The following HACD2 variants were observed in gnomAD, a reference collection of about 807,000 sequenced individuals.
HACD2 encodes very-long-chain (3R)-3-hydroxyacyl-CoA dehydratase 2.
A neutral mutation model predicts 31.0 loss-of-function variants in HACD2; 15 were observed. That is an observed-to-expected ratio of 0.48 (90% CI 0.32 to 0.75). HACD2 has a LOEUF of 0.75. Among genes scored for constraint, HACD2 ranks in the 30% least tolerant of loss-of-function variants. The pLI, the probability that HACD2 is intolerant of heterozygous loss-of-function variation, is 0.03. For synonymous variants in HACD2, 115 were observed against 122.2 expected, an observed-to-expected ratio of 0.94 and a Z score of 0.39; for missense variants, 283 against 313.0, an observed-to-expected ratio of 0.90 and a Z score of 0.72.
At chr3:123,500,759 C>A in intron 5 of HACD2, 66 bp from the exon 6 acceptor site, 1 of 1,051,006 alleles carries the variant, frequency 9.5e-7, no homozygotes, top group East Asian at 2.4e-5. Context: ...CTGCACTTCC[C>A]ACCCTTCTAA....
intron 3 of HACD2, among the ~76,000 whole-genome samples, chr3:123,538,984 TA>T (rs2056457441): frequency 6.6e-6 from 1 of 152,218 alleles, no homozygotes; most frequent in Non-Finnish European, 1.5e-5. Flanking sequence ...ACGAGTAATT[TA>T]AATTTAAGGT....
chr3:123,509,786 C>T (rs999223619), intron 4 of HACD2, among the ~76,000 whole-genome samples: 3 of 152,020 alleles, frequency 2.0e-5, no homozygotes, highest in South Asian at 2.1e-4. Context: ...GGTGAGCAAC[C>T]GCACCTGGCC....
At chr3:123,566,111 T>A (rs528978695) in intron 3 of HACD2, among the ~76,000 whole-genome samples, 1 of 151,466 alleles carries the variant, frequency 6.6e-6, no homozygotes, top group Non-Finnish European at 1.5e-5. Context: ...TTGGGAATCA[T>A]AGACTCCTCA....
intron 3 of HACD2, among the ~76,000 whole-genome samples, chr3:123,545,379 G>T (rs1160752328): frequency 2.0e-5 from 3 of 151,274 alleles, no homozygotes. Flanking sequence ...CTACTCAGGA[G>T]GCTGAGGTGG....
At chr3:123,532,289 CAACT>C (rs1697399851) in intron 3 of HACD2, among the ~76,000 whole-genome samples, 1 of 152,112 alleles carries the variant, frequency 6.6e-6, no homozygotes, top group South Asian at 2.1e-4. Flanking sequence ...TCATTCAGAC[CAACT>C]GTCACTTAGT....
chr3:123,563,644 T>C (rs9286699), intron 3 of HACD2, among the ~76,000 whole-genome samples: 12,245 of 111,880 alleles, frequency 0.11, 651 homozygotes, highest in Non-Finnish European at 0.14. Context: ...AAAATATATA[T>C]ACACACACAC....
chr3:123,550,366 A>G (rs777034153), intron 3 of HACD2, among the ~76,000 whole-genome samples: 1 of 152,184 alleles, frequency 6.6e-6, no homozygotes, highest in Non-Finnish European at 1.5e-5. Context: ...AAAAAGAGAA[A>G]TGGAGAAAAT....
intron 3 of HACD2, among the ~76,000 whole-genome samples, chr3:123,542,146 C>CAAAAAAAAAAAAAAAAAAA (rs11391480): frequency 4.9e-5 from 2 of 41,102 alleles, no homozygotes; most frequent in African/African-American, 1.7e-4. Context: ...GACTCCGTCT[C>CAAAAAAAAAAAAAAAAAAA]AAAAAAAAAA....
At chr3:123,510,732 T>A (rs2056049608) in intron 4 of HACD2, among the ~76,000 whole-genome samples, 1 of 152,238 alleles carries the variant, frequency 6.6e-6, no homozygotes, top group South Asian at 2.1e-4. Context: ...AACATTGGTG[T>A]ATAAGTAAGT....
chr3:123,581,109 C>T (rs751372375), intron 2 of HACD2, among the ~76,000 whole-genome samples: 2 of 152,086 alleles, frequency 1.3e-5, no homozygotes, highest in African/African-American at 2.4e-5. Flanking sequence ...CGTGAGCCAC[C>T]GTGCCCAGCG....
rs1576254185 is a variant in HACD2 at position 123,584,669 on chromosome 3, A to C, written c.155+204T>G. 1.8e-5 allele frequency: 7 copies of C among 379,290 alleles called. No homozygotes were observed. The East Asian group carries it at 2.5e-4, about 13-fold the overall frequency. 23.5% of individuals were successfully genotyped at this position (379,290 alleles called of 1,614,324 possible). A position where few individuals can be genotyped will look rare whatever the true frequency, so the allele number is the denominator to read the frequency against. ...TGCCTGGGAACTTGGCTCGACCCCC[A>C]GCGCAGGAGGGAGCTCGCGGGCAGC... On this transcript the variant is annotated intron_variant, in intron 1 of 6. Transcript: ENST00000383657.
At chr3:123,554,182 T>C (rs934980492) in intron 3 of HACD2, among the ~76,000 whole-genome samples, 1 of 2,078 alleles carries the variant, frequency 4.8e-4, no homozygotes, top group South Asian at 0.028. Context: ...ATAAACAATG[T>C]AAGTTTAAAA....
chr3:123,539,940 A>AAAT (rs2056468937), intron 3 of HACD2, among the ~76,000 whole-genome samples: 1 of 148,494 alleles, frequency 6.7e-6, no homozygotes, highest in Admixed American at 6.7e-5. Context: ...AAAAAAAAAA[A>AAAT]GACAGGCATA....
rs753706519 is a variant in HACD2, at chr3:123,502,643, T to A, written c.420A>T (p.Ala140=). Residue 140 remains alanine (A), a synonymous_variant, in exon 5 of 7, where the codon GCA becomes GCT. Transcript: ENST00000383657. ...AACGGATGATTTCCGTGATCGTCCA[T>A]GCAATAACAAACAGGAGGACACTGT... The part of the protein sequence containing the change: ...SEDSVLLFVI[A]WTITEIIRYS... 12 of 1,606,406 alleles carry A rather than the reference T, an allele frequency of 7.5e-6. No individual in the cohort carries two copies. In the Admixed American group the frequency reaches 1.0e-4, roughly 14 times the overall value.
At chr3:123,580,791 GAA>G (rs71142746) in intron 2 of HACD2, among the ~76,000 whole-genome samples, 2 of 108,232 alleles carry the variant, frequency 1.8e-5, no homozygotes, top group Admixed American at 1.8e-4. Context: ...CCTGTCTCAA[GAA>G]AAAAAAAAAA....
chr3:123,529,726 C>T (rs2056328653), intron 3 of HACD2, among the ~76,000 whole-genome samples: 1 of 151,896 alleles, frequency 6.6e-6, no homozygotes, highest in Non-Finnish European at 1.5e-5. Context: ...GGTCCTGTCT[C>T]AGAATAAATG....
intron 3 of HACD2, among the ~76,000 whole-genome samples, chr3:123,530,524 T>C (rs1359828456): frequency 2.0e-5 from 3 of 151,652 alleles, no homozygotes; most frequent in African/African-American, 7.3e-5. Context: ...TTCTCCTGCC[T>C]CCGCCTCCCG....
chr3:123,546,253 T>C (rs1296252440), intron 3 of HACD2, among the ~76,000 whole-genome samples: 2 of 152,176 alleles, frequency 1.3e-5, no homozygotes, highest in Non-Finnish European at 2.9e-5. Context: ...ACTATCACTA[T>C]GTGCTATTGC....
chr3:123,499,610 TGAG>T (rs757006136), intron 6 of HACD2: 3 of 456,272 alleles, frequency 6.6e-6, no homozygotes, highest in African/African-American at 4.0e-5. Flanking sequence ...TGCCATGCAA[TGAG>T]GAGAAGTCCA....
Sources: gnomAD v4.1 joint callset for allele counts (sites outside exome capture counted in the v4.1 genomes callset) on GRCh38, gnomAD v4.1.1 for gene constraint, MANE v1.5 for transcripts, NCBI Gene and HGNC (gene_info 2026-07-23, HGNC 2026-07-21) for gene names.